The following PCDHA13 variants were observed in gnomAD, a reference collection of about 807,000 sequenced individuals.
The protein encoded by PCDHA13 is protocadherin alpha-13.
In PCDHA13, 54 loss-of-function variants were observed where a neutral mutation model predicts 64.8. The ratio of observed to expected loss-of-function variants is 0.83; its 90% CI spans 0.67 to 1.04. The LOEUF (loss-of-function observed/expected upper bound fraction) is 1.04. PCDHA13 is among the 50% of genes least tolerant of loss of function. The pLI, the probability that PCDHA13 is intolerant of heterozygous loss-of-function variation, is 0.00. For synonymous variants in PCDHA13, 587 were observed against 564.4 expected (o/e 1.04, Z -0.57); for missense variants, 1,248 against 1,254.3 (o/e 0.99, Z 0.08).
At chr5:140,976,369 G>A (rs1464114589) in intron 1 of PCDHA13, among the ~76,000 whole-genome samples, 1 of 151,996 alleles carries the variant, frequency 6.6e-6, no homozygotes, top group Non-Finnish European at 1.5e-5. Flanking sequence ...TGGCCAACAT[G>A]GTGAAACCCC....
chr5:140,886,956 A>T (rs1007882657), intron 1 of PCDHA13, among the ~76,000 whole-genome samples: 1 of 152,090 alleles, frequency 6.6e-6, no homozygotes, highest in Non-Finnish European at 1.5e-5. Context: ...TTAGACATTT[A>T]GCAACGAAAT....
Position 141,009,965 on chromosome 5 carries a change from G to A in PCDHA13, c.*28G>A, listed in dbSNP as rs782001097. On this transcript the variant is annotated 3_prime_UTR_variant, in exon 4 of 4. Coordinates refer to ENST00000289272, the MANE Select transcript of PCDHA13 (RefSeq NM_018904.3). ...TCCTCAAATGGAAACAAGCCACTTA[G>A]CCAGTTTTTGTAATAATGGCAAATC... is the stretch of plus-strand genomic sequence containing the variant. 1.6e-5 allele frequency: 26 copies of A among 1,587,906 alleles called. No individual in the cohort carries two copies. Among genetic ancestry groups the A allele is most frequent in the Non-Finnish European group, 2.6e-6 (3 of 1,170,436 alleles).
intron 1 of PCDHA13, among the ~76,000 whole-genome samples, chr5:140,934,198 A>G (rs918942390): frequency 3.7e-4 from 57 of 152,134 alleles, no homozygotes; most frequent in African/African-American, 1.3e-3. Context: ...TTTCATTTCT[A>G]TTTCCTCACA....
intron 1 of PCDHA13, among the ~76,000 whole-genome samples, chr5:140,974,062 G>T (rs1014435483): frequency 2.0e-5 from 3 of 152,222 alleles, no homozygotes; most frequent in Non-Finnish European, 4.4e-5. Context: ...ATTTGGAGCA[G>T]TATAATCTAT....
Position 140,982,457 on chromosome 5 carries a change from G to A in PCDHA13, c.2454-18G>A, listed in dbSNP as rs782510565. 6.2e-7 allele frequency: 1 copy of A among 1,613,966 alleles called. No homozygotes were observed. Among genetic ancestry groups the A allele is most frequent in the African/African-American group, 1.3e-5 (1 of 74,916 alleles). ...AATTTATGATCTAACCGTTATCTGG[G>A]TCTGTGTGTTTATTCAGCTCTGTGC... On this transcript the variant is annotated intron_variant, in intron 2 of 3. Transcript: ENST00000289272.
At chr5:140,926,470 G>C (rs1244984672) in intron 1 of PCDHA13, 1 of 162,858 alleles carries the variant, frequency 6.1e-6, no homozygotes. Flanking sequence ...AGAAAACACC[G>C]TTTAAGGAGA....
intron 1 of PCDHA13, chr5:140,926,959 G>A: frequency 6.2e-7 from 1 of 1,604,022 alleles, no homozygotes; most frequent in Non-Finnish European, 8.5e-7. Context: ...GGGACAGCTC[G>A]AGTACTCAGT....
At position 141,012,023 on chromosome 5, in the gene PCDHA13, C is replaced by T. The variant is rs1174206729; in HGVS notation, c.*2086C>T. On this transcript the variant is annotated 3_prime_UTR_variant, in exon 4 of 4. Coordinates refer to ENST00000289272, the MANE Select transcript of PCDHA13 (RefSeq NM_018904.3). ...TATTTTGAAGGGTGTGTAACTTCAGCTCTGCAGGATTGCATGGGGTAAAAC... is the reference window on the plus strand; with the variant it reads ...TATTTTGAAGGGTGTGTAACTTCAGTTCTGCAGGATTGCATGGGGTAAAAC... The T allele has an allele frequency of 6.5e-6, 1 of 153,700 alleles. No individual in the cohort carries two copies. The highest frequency in any genetic ancestry group is 1.5e-5 in the Non-Finnish European group (1 of 68,026). The allele number at this position is 153,700 out of a possible 1,614,324, so 9.5% of individuals were successfully genotyped here.
At chr5:140,968,431 G>A in intron 1 of PCDHA13, 1 of 1,613,980 alleles carries the variant, frequency 6.2e-7, no homozygotes, top group Non-Finnish European at 8.5e-7. Context: ...AGGACAAGGG[G>A]AGCCCACCAC....
intron 1 of PCDHA13, among the ~76,000 whole-genome samples, chr5:140,912,961 G>C (rs1370850871): frequency 6.6e-6 from 1 of 151,844 alleles, no homozygotes; most frequent in African/African-American, 2.4e-5. Context: ...ATCCCACTTG[G>C]TCTTTTAACT....
intron 3 of PCDHA13, among the ~76,000 whole-genome samples, chr5:140,990,006 G>T (rs1249732911): frequency 1.3e-5 from 2 of 152,116 alleles, no homozygotes; most frequent in Non-Finnish European, 2.9e-5. Flanking sequence ...ATCTCCAAGG[G>T]CGTGGGCTAG....
intron 3 of PCDHA13, among the ~76,000 whole-genome samples, chr5:140,989,910 G>A (rs941838001): frequency 3.3e-5 from 5 of 152,062 alleles, no homozygotes; most frequent in African/African-American, 1.2e-4. Flanking sequence ...ATCAGAAAAA[G>A]AGGGAGAGCA....
At chr5:140,993,103 G>A (rs2097540365) in intron 3 of PCDHA13, among the ~76,000 whole-genome samples, 1 of 152,218 alleles carries the variant, frequency 6.6e-6, no homozygotes, top group East Asian at 1.9e-4. Context: ...TTTATTCAGC[G>A]GTCAGTGTCA....
intron 1 of PCDHA13, among the ~76,000 whole-genome samples, chr5:140,941,213 TCC>T (rs1491191685): frequency 2.4e-4 from 26 of 106,900 alleles, no homozygotes; most frequent in African/African-American, 9.0e-4. Context: ...CTTTCTTTCT[TCC>T]TTTCTTTCTT....
At chr5:140,963,989 T>C (rs2095803669) in intron 1 of PCDHA13, among the ~76,000 whole-genome samples, 1 of 152,202 alleles carries the variant, frequency 6.6e-6, no homozygotes, top group Non-Finnish European at 1.5e-5. Flanking sequence ...ATATTCCTAA[T>C]TACTGTGTTC....
chr5:141,004,697 T>A (rs2098177211), intron 3 of PCDHA13, among the ~76,000 whole-genome samples: 3 of 152,184 alleles, frequency 2.0e-5, no homozygotes, highest in Admixed American at 2.0e-4. Flanking sequence ...AAACCCAGTT[T>A]TAGGTGCCGA....
At chr5:140,929,093 A>G in intron 1 of PCDHA13, 1 of 1,614,194 alleles carries the variant, frequency 6.2e-7, no homozygotes, top group Non-Finnish European at 8.5e-7. Flanking sequence ...ATGGTTTCAA[A>G]TCCTTGCATG....
intron 1 of PCDHA13, among the ~76,000 whole-genome samples, chr5:140,953,811 A>T (rs782282216): frequency 3.3e-5 from 5 of 152,074 alleles, no homozygotes; most frequent in Non-Finnish European, 5.9e-5. Context: ...TCTGAGGTGC[A>T]TGTGCTAGTT....
chr5:140,954,843 G>T (rs1011520662), intron 1 of PCDHA13, among the ~76,000 whole-genome samples: 4 of 152,058 alleles, frequency 2.6e-5, no homozygotes, highest in African/African-American at 9.7e-5. Flanking sequence ...TGAAATCTTT[G>T]CCTGTGCCTA....
Sources: gnomAD v4.1 joint callset for allele counts (sites outside exome capture counted in the v4.1 genomes callset) on GRCh38, gnomAD v4.1.1 for gene constraint, MANE v1.5 for transcripts, NCBI Gene and HGNC (gene_info 2026-07-23, HGNC 2026-07-21) for gene names.